UNC79: variants seen among roughly 807,000 people sequenced by gnomAD.
The protein encoded by UNC79 is unc-79 subunit of NALCN channel complex, also known as protein unc-79 homolog.
A neutral mutation model predicts 283.1 loss-of-function variants in UNC79; 37 were observed. The observed-to-expected ratio is 0.13, with a 90% CI of 0.10 to 0.17. The LOEUF (loss-of-function observed/expected upper bound fraction) is 0.17. Among genes scored for constraint, UNC79 ranks in the 10% least tolerant of loss-of-function variants. The pLI is 1.00. For synonymous variants in UNC79, 1,107 were observed against 1,200.2 expected (o/e 0.92, Z 1.61); for missense variants, 2,272 against 3,211.1 (o/e 0.71, Z 7.07).
chr14:93,487,538 C>A, intron 4 of UNC79, 125 bp from the exon 5 acceptor site: 1 of 679,720 alleles, frequency 1.5e-6, no homozygotes, highest in Non-Finnish European at 2.3e-6. Flanking sequence ...TTGTGCAAAA[C>A]TTCCATTAGC....
chr14:93,533,561 G>A (rs373034534), intron 11 of UNC79, among the ~76,000 whole-genome samples: 20 of 152,152 alleles, frequency 1.3e-4, no homozygotes, highest in African/African-American at 4.6e-4. Flanking sequence ...TGGGTGGGGT[G>A]TCTGGGCCTC....
chr14:93,361,232 A>AG (rs1389291306), intron 1 of UNC79, among the ~76,000 whole-genome samples: 19 of 63,502 alleles, frequency 3.0e-4, no homozygotes, highest in African/African-American at 5.7e-4. Flanking sequence ...AAAAAAAAAA[A>AG]AAAAGAAAAG....
rs1176646998 is a variant in UNC79, at chr14:93,474,213, A to G, written c.268A>G (p.Ile90Val). Reference sequence around the variant, plus strand: ...ATCTCTAAGACCGCAGGTCAGTTCCATCAACCCTACTGTTACTCGCTCCCT... The same window carrying G: ...ATCTCTAAGACCGCAGGTCAGTTCCGTCAACCCTACTGTTACTCGCTCCCT... Residue 90 changes from isoleucine to valine, a missense_variant, in exon 3 of 49, where the codon ATC becomes GTC. Ile to Val is a conservative substitution (Grantham distance 29, BLOSUM62 3). Transcript: ENST00000555664. This position sits in a 1 kb window ranked among gnomAD's most constrained non-coding sequence, Gnocchi z 4.1. 1 of 1,535,988 alleles carries G rather than the reference A, an allele frequency of 6.5e-7. No individual in the cohort carries two copies. Among genetic ancestry groups the G allele is most frequent in the East Asian group, 2.4e-5 (1 of 40,912 alleles).
chr14:93,348,941 C>T lies in UNC79; in HGVS notation c.-351+15418C>T, dbSNP rs562454622. Among the ~76,000 whole-genome samples the T allele has an allele frequency of 7.9e-5, 12 of 152,354 alleles. No homozygotes were observed. In the East Asian group the frequency reaches 2.1e-3, roughly 27 times the overall value. Reference sequence around the variant, plus strand: ...AAGTTGGGCAACCCGCTGGGGTCCCCTTCCGCACTGTGGAAGCTTTGTTCT... The same window carrying T: ...AAGTTGGGCAACCCGCTGGGGTCCCTTTCCGCACTGTGGAAGCTTTGTTCT... On this transcript the variant is annotated intron_variant, in intron 1 of 49. Coordinates refer to the UNC79 transcript ENST00000256339.
At chr14:93,529,995 C>A (rs1046824999) in intron 10 of UNC79, among the ~76,000 whole-genome samples, 1 of 151,918 alleles carries the variant, frequency 6.6e-6, no homozygotes. Flanking sequence ...CTGACAAACA[C>A]AGAGGAAAAA....
intron 41 of UNC79, among the ~76,000 whole-genome samples, chr14:93,675,206 T>C (rs2073231027): frequency 2.0e-5 from 3 of 152,224 alleles, no homozygotes; most frequent in Non-Finnish European, 4.4e-5. Flanking sequence ...GGCTGGGTTC[T>C]GGGAATATAG....
chr14:93,584,337 AAC>A (rs1202561858), intron 20 of UNC79, among the ~76,000 whole-genome samples: 3 of 152,208 alleles, frequency 2.0e-5, no homozygotes, highest in Admixed American at 6.5e-5. Context: ...GAGAAGCAGA[AAC>A]ACAAACAAAA....
exon 30 of UNC79, chr14:93,622,168 T>G: frequency 1.2e-6 from 2 of 1,613,886 alleles, no homozygotes; most frequent in East Asian, 4.5e-5. Flanking sequence ...TAGTCGAGAG[T>G]GACGAAGAAG....
At chr14:93,601,726 T>C (rs2065520172) in intron 25 of UNC79, among the ~76,000 whole-genome samples, 1 of 152,256 alleles carries the variant, frequency 6.6e-6, no homozygotes, top group Non-Finnish European at 1.5e-5. Flanking sequence ...ACCAACAGTG[T>C]AAAAGTGTTC....
intron 16 of UNC79, 82 bp from the exon 17 acceptor site, chr14:93,574,976 G>A: frequency 1.4e-6 from 2 of 1,460,762 alleles, no homozygotes; most frequent in African/African-American, 1.4e-5. Context: ...AATTTGCTTT[G>A]GAAAAAGAAG....
At chr14:93,503,916 T>C (rs2059414969) in intron 7 of UNC79, among the ~76,000 whole-genome samples, 1 of 152,008 alleles carries the variant, frequency 6.6e-6, no homozygotes. Flanking sequence ...GTTTTTCATC[T>C]TTTAGATGTA....
chr14:93,370,777 G>C (rs1052601123), intron 1 of UNC79, among the ~76,000 whole-genome samples: 1 of 147,434 alleles, frequency 6.8e-6, no homozygotes, highest in Non-Finnish European at 1.5e-5. Context: ...GTCTCAAAAA[G>C]AAAAAGAAAA....
chr14:93,552,216 T>C (rs1381416492), intron 14 of UNC79, among the ~76,000 whole-genome samples: 1 of 152,212 alleles, frequency 6.6e-6, no homozygotes, highest in Non-Finnish European at 1.5e-5. Flanking sequence ...AGTCTCCTGG[T>C]GTGTGAAATA....
chr14:93,471,838 A>G (rs575036878), intron 2 of UNC79, among the ~76,000 whole-genome samples: 20 of 152,220 alleles, frequency 1.3e-4, no homozygotes, highest in Admixed American at 1.2e-3. Context: ...CCCTGCATGT[A>G]TGAAGCTGTT....
At chr14:93,334,360 A>G (rs2053527985) in intron 1 of UNC79, among the ~76,000 whole-genome samples, 1 of 152,166 alleles carries the variant, frequency 6.6e-6, no homozygotes, top group Non-Finnish European at 1.5e-5. Context: ...GAAGGTTTGG[A>G]GATTGTAGCA....
intron 7 of UNC79, among the ~76,000 whole-genome samples, chr14:93,509,409 C>T (rs993383602): frequency 6.6e-6 from 1 of 152,132 alleles, no homozygotes; most frequent in Non-Finnish European, 1.5e-5. Context: ...ACTCAGAAGT[C>T]AACAGCCTGA....
Position 93,693,956 on chromosome 14 carries a change from C to T in UNC79, c.7471-379C>T, listed in dbSNP as rs561805268. On this transcript the variant is annotated intron_variant, in intron 46 of 48. Coordinates refer to ENST00000555664, the Ensembl canonical transcript of UNC79. ...GTCATCTCCCCTCCCTGGGTACCCT[C>T]CTCTCAAACAGACTAGCGTGATACA... Among the ~76,000 whole-genome samples, 10 of 152,178 alleles carry T rather than the reference C, an allele frequency of 6.6e-5. No individual in the cohort carries two copies. The East Asian group carries it at 1.9e-3, about 29-fold the overall frequency.
chr14:93,383,184 TGAGA>T (rs1408147351), intron 1 of UNC79, among the ~76,000 whole-genome samples: 1 of 152,198 alleles, frequency 6.6e-6, no homozygotes, highest in African/African-American at 2.4e-5. Flanking sequence ...TATAATTTTG[TGAGA>T]GAGATTGTGG....
Position 93,582,364 on chromosome 14 carries a change from CG to C in UNC79, c.2803+24del, listed in dbSNP as rs751157230. On this transcript the variant is annotated intron_variant, in intron 20 of 48. Transcript: ENST00000555664. ...ATGCTGGTAGGTGTGCACTGACTGC[CG>C]GGGAATGCGCCACGTGCACATGGCC... 14 of 1,610,288 alleles carry C rather than the reference CG, an allele frequency of 8.7e-6. No homozygotes were observed. The Admixed American group carries it at 1.4e-4, about 16-fold the overall frequency.
Sources: allele counts gnomAD v4.1 joint callset (sites outside exome capture counted in the v4.1 genomes callset), GRCh38; gene constraint gnomAD v4.1.1; non-coding constraint Gnocchi (gnomAD v3.1); transcripts MANE v1.5; gene names NCBI Gene and HGNC (gene_info 2026-07-23, HGNC 2026-07-21).